GRAMD1B: variants seen among roughly 807,000 people sequenced by gnomAD.
The protein encoded by GRAMD1B is protein Aster-B.
Under a neutral mutation model 99.7 loss-of-function variants are expected in GRAMD1B, and 37 were observed. The observed-to-expected ratio is 0.37, with a 90% CI of 0.29 to 0.49. The LOEUF is 0.49. Among genes scored for constraint, GRAMD1B ranks in the 20% least tolerant of loss-of-function variants. The pLI, the probability that GRAMD1B is intolerant of heterozygous loss-of-function variation, is 0.98. For missense variants in GRAMD1B, 888 were observed against 1,009.2 expected (o/e 0.88, Z 1.63); for synonymous variants, 427 against 387.6 (o/e 1.10, Z -1.19).
chr11:123,387,692 C>T (rs952239173), intron 1 of GRAMD1B, among the ~76,000 whole-genome samples: 3 of 152,130 alleles, frequency 2.0e-5, no homozygotes, highest in African/African-American at 7.2e-5. Context: ...TGCATAGAGA[C>T]AAGCATCAGC....
rs138922645 is a variant in GRAMD1B, at chr11:123,367,345, G to A, written c.-176+8546G>A. 1.4e-4 allele frequency among the ~76,000 whole-genome samples: 22 copies of A among 152,324 alleles called. No individual in the cohort carries two copies. The East Asian group carries it at 3.5e-3, about 24-fold the overall frequency. On this transcript the variant is annotated intron_variant, in intron 1 of 20. Transcript: ENST00000638157. ...AGTCAGACACCTTGTTAATGACTAC[G>A]AAGAGGTAAGAACAAAGTGTCATAG... is the stretch of plus-strand genomic sequence containing the variant.
At chr11:123,433,338 A>T (rs2714055) in intron 1 of GRAMD1B, among the ~76,000 whole-genome samples, 76,618 of 152,010 alleles carry the variant, frequency 0.5, 20,041 homozygotes, top group East Asian at 0.81. Flanking sequence ...AGATCGCGCC[A>T]TTGCACTCCA....
chr11:123,578,542 T>C (rs2136244533), intron 3 of GRAMD1B: 2 of 790,402 alleles, frequency 2.5e-6, no homozygotes, highest in East Asian at 5.3e-5. Context: ...ATATCCTGCT[T>C]GGTCCCTTTC....
chr11:123,459,557 A>G (rs150623343), intron 1 of GRAMD1B: 2 of 152,278 alleles, frequency 1.3e-5, no homozygotes, highest in East Asian at 3.9e-4. Context: ...GGTCGGCCAT[A>G]TTCATGATTT....
intron 2 of GRAMD1B, among the ~76,000 whole-genome samples, chr11:123,561,712 G>A (rs1039193791): frequency 2.0e-4 from 30 of 152,284 alleles, no homozygotes; most frequent in South Asian, 4.1e-4. Context: ...AGACCCCCTC[G>A]CTCCTCTACC....
Position 123,610,255 on chromosome 11 carries a change from C to T in GRAMD1B, c.1836C>T (p.Thr612=), listed in dbSNP as rs1953357352. 3.7e-6 allele frequency: 6 copies of T among 1,613,622 alleles called. No homozygotes were observed. Among genetic ancestry groups the T allele is most frequent in the Non-Finnish European group, 5.1e-6 (6 of 1,179,586 alleles). ...ECYVIDAEVL[T]HDVPYHDYFY... is the part of the protein sequence containing the mutation. ...ACGTGATAGATGCCGAAGTCCTCAC[C>T]CACGACGTGCCCTACCATGACTACT... Residue 612 remains threonine (T), a synonymous_variant, in exon 14 of 20, where the codon ACC becomes ACT. Coordinates refer to ENST00000635736, the MANE Select transcript of GRAMD1B (RefSeq NM_001387025.1). This position sits in a 1 kb window ranked among gnomAD's most constrained non-coding sequence, Gnocchi z 4.1.
rs540904888 is a variant in GRAMD1B at position 123,525,794 on chromosome 11, T to C, written c.452+44901T>C. 3.3e-5 allele frequency: 10 copies of C among 302,268 alleles called. No homozygotes were observed. In the East Asian group the frequency reaches 7.6e-4, roughly 23 times the overall value. 18.7% of individuals were successfully genotyped at this position (302,268 alleles called of 1,614,324 possible). ...GGGGGCAGCCGGCCAGCCTGGCTGT[T>C]GACGGCAACTCCAGGGCTTGTTTCG... On this transcript the variant is annotated intron_variant, in intron 2 of 19. Coordinates refer to ENST00000635736, the MANE Select transcript of GRAMD1B (RefSeq NM_001387025.1).
intron 1 of GRAMD1B, among the ~76,000 whole-genome samples, chr11:123,360,510 C>A (rs373930649): frequency 6.6e-6 from 1 of 152,186 alleles, no homozygotes; most frequent in East Asian, 1.9e-4. Context: ...CTCAAAAGGG[C>A]GTGTGGTAGT....
upstream of GRAMD1B, among the ~76,000 whole-genome samples, chr11:123,429,323 G>C (rs1010915912): frequency 6.6e-6 from 1 of 152,158 alleles, no homozygotes; most frequent in East Asian, 1.9e-4. This position sits in a 1 kb window ranked among gnomAD's most constrained non-coding sequence, Gnocchi z 4.0. Context: ...TGCCCACAGA[G>C]AGCACCTAAA....
At chr11:123,608,529 C>T (rs553163737) in intron 11 of GRAMD1B, 130 bp from the exon 12 acceptor site, 35 of 1,542,898 alleles carry the variant, frequency 2.3e-5, no homozygotes, top group African/African-American at 6.8e-5. Context: ...TGTCCTGCTC[C>T]GTGTCCTCTC....
At chr11:123,526,270 C>G (rs1049711810) in intron 2 of GRAMD1B, 1 of 1,011,636 alleles carries the variant, frequency 9.9e-7, no homozygotes, top group Admixed American at 2.0e-5. Context: ...GATGCCATCT[C>G]ACCAGGCATC....
chr11:123,443,497 A>G (rs1319086790), intron 1 of GRAMD1B, among the ~76,000 whole-genome samples: 1 of 152,182 alleles, frequency 6.6e-6, no homozygotes, highest in Non-Finnish European at 1.5e-5. Context: ...GGTTTGGTCC[A>G]GAAAGGTTGA....
intron 1 of GRAMD1B, among the ~76,000 whole-genome samples, chr11:123,456,103 G>A (rs974496649): frequency 7.2e-5 from 11 of 152,068 alleles, no homozygotes; most frequent in Admixed American, 6.6e-4. Context: ...CCAGGGAGGT[G>A]GAGGGAGGTT....
intron 1 of GRAMD1B, among the ~76,000 whole-genome samples, chr11:123,474,423 C>T (rs769234966): frequency 2.0e-5 from 3 of 152,194 alleles, no homozygotes; most frequent in Non-Finnish European, 4.4e-5. Flanking sequence ...CTCTCTGACG[C>T]CATATCCTGA....
chr11:123,567,445 G>C (rs1487897426), intron 2 of GRAMD1B, among the ~76,000 whole-genome samples: 1 of 152,150 alleles, frequency 6.6e-6, no homozygotes, highest in Non-Finnish European at 1.5e-5. Context: ...TTTCAAAGAT[G>C]GTTATAATTT....
chr11:123,560,567 C>A, intron 2 of GRAMD1B: 1 of 725,302 alleles, frequency 1.4e-6, no homozygotes, highest in South Asian at 1.4e-5. Flanking sequence ...CCGCTCCCCG[C>A]CCCCGCCCCC....
chr11:123,470,280 CA>C (rs1410966032), intron 1 of GRAMD1B, among the ~76,000 whole-genome samples: 9 of 152,174 alleles, frequency 5.9e-5, no homozygotes, highest in African/African-American at 2.2e-4. Context: ...CAAAACCATA[CA>C]AAAGCTAACC....
chr11:123,589,944 T>C (rs1242499639), intron 4 of GRAMD1B, among the ~76,000 whole-genome samples: 2 of 152,102 alleles, frequency 1.3e-5, no homozygotes, highest in Admixed American at 1.3e-4. Flanking sequence ...CCATTTGTTT[T>C]AAGGGTCTGA....
intron 1 of GRAMD1B, among the ~76,000 whole-genome samples, chr11:123,464,013 G>C (rs1338148499): frequency 6.6e-6 from 1 of 152,046 alleles, no homozygotes; most frequent in Admixed American, 6.6e-5. Context: ...GACTAGAGCT[G>C]TTTTAGAAGA....
Sources: gnomAD v4.1 joint callset for allele counts (sites outside exome capture counted in the v4.1 genomes callset) on GRCh38, gnomAD v4.1.1 for gene constraint, Gnocchi (gnomAD v3.1) non-coding constraint, MANE v1.5 for transcripts, NCBI Gene and HGNC (gene_info 2026-07-23, HGNC 2026-07-21) for gene names.